Variants in CCDC144A observed in about 807,000 individuals in gnomAD.
CCDC144A encodes the protein coiled-coil domain containing 144A, also known as coiled-coil domain-containing protein 144A.
A neutral mutation model predicts 143.8 loss-of-function variants in CCDC144A; 41 were observed. The observed-to-expected ratio is 0.29, with a 90% CI of 0.22 to 0.37. CCDC144A has a LOEUF of 0.37. Among genes scored for constraint, CCDC144A ranks in the 10% least tolerant of loss-of-function variants. CCDC144A has a pLI of 1.00. For missense variants in CCDC144A, 637 were observed against 1,488.8 expected, an observed-to-expected ratio of 0.43 and a Z score of 9.41; for synonymous variants, 242 against 517.9, an observed-to-expected ratio of 0.47 and a Z score of 7.23.
chr17:16,696,514 G>C (rs1911417579), intron 2 of CCDC144A, among the ~76,000 whole-genome samples: 1 of 150,192 alleles, frequency 6.7e-6, no homozygotes, highest in Non-Finnish European at 1.5e-5. Context: ...CATGCCTATG[G>C]TTCCAGCTAC....
At chr17:16,724,159 TG>T (rs1412547829) in intron 8 of CCDC144A, among the ~76,000 whole-genome samples, 1 of 152,162 alleles carries the variant, frequency 6.6e-6, no homozygotes, top group Non-Finnish European at 1.5e-5. Context: ...TGAGATATTT[TG>T]TTACTAATTT....
the CCDC144A span, among the ~76,000 whole-genome samples, chr17:16,678,751 G>GTTTTTTTTTTTTTTT: frequency 2.6e-5 from 2 of 78,052 alleles, no homozygotes; most frequent in Non-Finnish European, 5.1e-5. Flanking sequence ...TGGCTAATTT[G>GTTTTTTTTTTTTTTT]TTTTTTTTTT....
chr17:16,759,920 C>T (rs1475122491), intron 12 of CCDC144A, among the ~76,000 whole-genome samples: 1 of 152,208 alleles, frequency 6.6e-6, no homozygotes, highest in East Asian at 1.9e-4. Flanking sequence ...TTTTTCTTTA[C>T]TTGGCATCAG....
intron 8 of CCDC144A, among the ~76,000 whole-genome samples, chr17:16,723,420 C>G (rs1913206706): frequency 6.6e-6 from 1 of 151,868 alleles, no homozygotes; most frequent in South Asian, 2.1e-4. Flanking sequence ...CTTTTATTGA[C>G]CTCCTCATAG....
intron 14 of CCDC144A, among the ~76,000 whole-genome samples, chr17:16,763,200 G>T (rs1204050765): frequency 6.6e-6 from 1 of 151,450 alleles, no homozygotes; most frequent in African/African-American, 2.4e-5. Context: ...ATGGAAGACA[G>T]AAAGGGCAGG....
At chr17:16,716,819 T>G (rs1450982841) in intron 6 of CCDC144A, among the ~76,000 whole-genome samples, 1 of 149,640 alleles carries the variant, frequency 6.7e-6, no homozygotes, top group Non-Finnish European at 1.5e-5. Flanking sequence ...GCTGTTTTTT[T>G]TTTTTTTTTT....
rs1352432917 is a variant in CCDC144A at position 16,734,344 on chromosome 17, T to C, written c.2419-346T>C. On this transcript the variant is annotated intron_variant, in intron 11 of 16. Transcript: ENST00000399273. ...ACAGCTTTTACTATAGGGTGGTGTA[T>C]AGGTTAGATGTCAGAGTGTAAAGCC... Among the ~76,000 whole-genome samples, 6 of 152,120 alleles carry C rather than the reference T, an allele frequency of 3.9e-5. No homozygotes were observed. The East Asian group carries it at 9.6e-4, about 24-fold the overall frequency.
rs754285011 is a variant in CCDC144A, at chr17:16,709,239, T to G, written c.1182T>G (p.Phe394Leu). The change falls in exon 5 of 17, where the codon TTT becomes TTG. Residue 394 changes from phenylalanine to leucine, a missense_variant. Phe to Leu is a conservative substitution (Grantham distance 22). Coordinates refer to ENST00000399273, the MANE Select transcript of CCDC144A (RefSeq NM_001382000.1). ...QEHVCQSSSK[F>L]HLHENKLDCD... ...ATGTTTGCCAGTCATCTTCTAAGTT[T>G]CATTTACATGAAAATAAATTAGACT... is the stretch of plus-strand genomic sequence containing the variant. 4 of 1,611,622 alleles carry G rather than the reference T, an allele frequency of 2.5e-6. No individual in the cohort carries two copies. Among genetic ancestry groups the G allele is most frequent in the Admixed American group, 1.7e-5 (1 of 60,004 alleles).
the CCDC144A span, among the ~76,000 whole-genome samples, chr17:16,668,766 A>G: frequency 2.0e-5 from 3 of 152,194 alleles, no homozygotes; most frequent in African/African-American, 7.2e-5. Context: ...AACAAGAGAC[A>G]TTTATTTTTC....
chr17:16,693,509 G>C (rs1911219070), intron 2 of CCDC144A, among the ~76,000 whole-genome samples: 2 of 151,950 alleles, frequency 1.3e-5, no homozygotes, highest in Admixed American at 1.3e-4. Context: ...TAGAGATGGG[G>C]TTTCACCGTG....
intron 6 of CCDC144A, among the ~76,000 whole-genome samples, chr17:16,719,789 GT>G (rs1261646274): frequency 1.3e-5 from 2 of 151,916 alleles, no homozygotes; most frequent in Non-Finnish European, 2.9e-5. Flanking sequence ...ATATAAGAAT[GT>G]GAGTAATATT....
At chr17:16,766,955 C>T (rs1915624640) in intron 15 of CCDC144A, 1 of 151,618 alleles carries the variant, frequency 6.6e-6, no homozygotes, top group Admixed American at 6.6e-5. Flanking sequence ...CATTTTTTGC[C>T]CAATCATGTT....
intron 8 of CCDC144A, among the ~76,000 whole-genome samples, chr17:16,722,941 G>A (rs535003441): frequency 6.6e-5 from 10 of 152,228 alleles, no homozygotes; most frequent in South Asian, 4.2e-4. Flanking sequence ...ACATTTTTAC[G>A]TCCATGTTCA....
chr17:16,690,411 G>A lies in CCDC144A; in HGVS notation c.11G>A (p.Trp4Ter), dbSNP rs370924631. The A allele has an allele frequency of 3.8e-4, 592 of 1,573,646 alleles. 1 individual carries two copies. Among genetic ancestry groups the A allele is most frequent in the Non-Finnish European group, 4.9e-4 (568 of 1,158,814 alleles). ...AGTAGCTCGCTACTGATGGCCTCCT[G>A]GGGTGGAGAAAAGCGGGGAGGGGCT... The part of the protein sequence containing the change: MAS[W>*]GGEKRGGAEG... The change falls in exon 1 of 17, where the codon TGG (tryptophan) becomes TAG (stop). Residue 4 changes from tryptophan to a stop codon, truncating the protein, a stop_gained. Transcript: ENST00000399273. LOFTEE classifies it high-confidence loss of function.
the CCDC144A span, among the ~76,000 whole-genome samples, chr17:16,682,984 C>T: frequency 1.4e-5 from 2 of 142,314 alleles, no homozygotes; most frequent in Non-Finnish European, 3.0e-5. Flanking sequence ...TCACTGCAAC[C>T]TCTGCCTCCT....
chr17:16,713,754 A>G (rs1912581537), intron 6 of CCDC144A, among the ~76,000 whole-genome samples: 1 of 152,336 alleles, frequency 6.6e-6, no homozygotes, highest in East Asian at 1.9e-4. Context: ...TGATTTAAAA[A>G]AACTTTTAAA....
chr17:16,770,556 A>T (rs1485513928), intron 15 of CCDC144A, among the ~76,000 whole-genome samples: 1 of 151,938 alleles, frequency 6.6e-6, no homozygotes, highest in Admixed American at 6.6e-5. Flanking sequence ...CTACCTTGTA[A>T]CTAATTGGTT....
At chr17:16,748,115 T>G (rs1321438510) in intron 12 of CCDC144A, among the ~76,000 whole-genome samples, 1 of 152,230 alleles carries the variant, frequency 6.6e-6, no homozygotes, top group African/African-American at 2.4e-5. Context: ...ACTCCTGGCC[T>G]CAAGTGATTC....
Position 16,753,435 on chromosome 17 carries a change from T to TTGTTGTTGTTGTTG in CCDC144A, c.3373-7989_3373-7988insGTTGTTGTTGTTGT, listed in dbSNP as rs1470543349. On this transcript the variant is annotated intron_variant, in intron 12 of 16. Transcript: ENST00000399273. The stretch of plus-strand genomic sequence containing the variant: ...TTTTGTCAGTGTTTTGTAGTTTTTT[T>TTGTTGTTGTTGTTG]TTTTTTTTTTTTTTTTTTTTTGTAA... Among the ~76,000 whole-genome samples, 150 of 100,366 alleles carry TTGTTGTTGTTGTTG rather than the reference T, an allele frequency of 1.5e-3. 3 individuals are homozygous for TTGTTGTTGTTGTTG. The highest frequency in any genetic ancestry group is 7.5e-3 in the African/African-American group (88 of 11,810). 65.8% of individuals were successfully genotyped at this position (100,366 alleles called of 152,430 possible). A position where few individuals can be genotyped will look rare whatever the true frequency, so the allele number is the denominator to read the frequency against.
Sources: gnomAD v4.1 joint callset for allele counts (sites outside exome capture counted in the v4.1 genomes callset) on GRCh38, gnomAD v4.1.1 for gene constraint, MANE v1.5 for transcripts, NCBI Gene and HGNC (gene_info 2026-07-23, HGNC 2026-07-21) for gene names.